Variants in ABCC10 observed in about 807,000 individuals in gnomAD.
The protein encoded by ABCC10 is ATP-binding cassette sub-family C member 10.
Under a neutral mutation model 143.2 loss-of-function variants are expected in ABCC10, and 110 were observed. The observed-to-expected ratio is 0.77, with a 90% CI of 0.66 to 0.90. ABCC10 has a LOEUF of 0.90. Among genes scored for constraint, ABCC10 ranks in the 40% least tolerant of loss-of-function variants. The probability of loss-of-function intolerance (pLI) is 0.00; values close to 1 mark genes in which losing one functional copy is unlikely to be tolerated. For missense variants in ABCC10, 1,700 were observed against 1,900.5 expected (o/e 0.89, Z 1.96); for synonymous variants, 805 against 846.7 (o/e 0.95, Z 0.85).
chr6:43,435,081 C>T (rs983538729), intron 4 of ABCC10: 3 of 531,840 alleles, frequency 5.6e-6, no homozygotes, highest in African/African-American at 3.8e-5. Flanking sequence ...AGCTTCTATT[C>T]AGTTCCAGGC....
chr6:43,446,104 AC>A (rs1198104779), intron 15 of ABCC10, among the ~76,000 whole-genome samples, 162 bp downstream of exon 15: 1 of 151,938 alleles, frequency 6.6e-6, no homozygotes, highest in Non-Finnish European at 1.5e-5. Flanking sequence ...GGCAGAGTGG[AC>A]CCCCACTTTG....
rs142083115 is a variant in ABCC10 at position 43,432,794 on chromosome 6, C to T, written c.814C>T (p.Arg272Trp). Reference protein sequence around the residue: ...VFQAHWQEGARLWRALYGAFG... With the variant: ...VFQAHWQEGAWLWRALYGAFG... ...CCAGGCACACTGGCAGGAGGGGGCACGGCTGTGGAGGGCCTTGTATGGGGC... is the reference window on the plus strand; with the variant it reads ...CCAGGCACACTGGCAGGAGGGGGCATGGCTGTGGAGGGCCTTGTATGGGGC... Residue 272 changes from arginine to tryptophan, a missense_variant, in exon 3 of 22, where the codon CGG becomes TGG. Transcript: ENST00000372530. The T allele has an allele frequency of 1.0e-4, 164 of 1,614,166 alleles. 2 individuals are homozygous for T. The East Asian group carries it at 2.8e-3, about 28-fold the overall frequency.
chr6:43,435,663 T>A, intron 4 of ABCC10, 88 bp from the exon 5 acceptor site: 1 of 1,461,650 alleles, frequency 6.8e-7, no homozygotes, highest in Non-Finnish European at 9.2e-7. Flanking sequence ...GCCCAGTTCT[T>A]CCCTCCGTAG....
At chr6:43,442,400 G>A (rs1346194467) in intron 9 of ABCC10, among the ~76,000 whole-genome samples, 4 of 152,068 alleles carry the variant, frequency 2.6e-5, no homozygotes, top group East Asian at 3.9e-4. Flanking sequence ...AAACCCCATC[G>A]CTACTGAAAA....
chr6:43,433,052 G>C lies in ABCC10; in HGVS notation c.1072G>C (p.Ala358Pro), dbSNP rs563579420. Residue 358 changes from alanine to proline, a missense_variant, in exon 3 of 22, where the codon GCT (alanine) becomes CCT (proline). Physicochemically the swap from Ala to Pro is conservative, Grantham distance 27 (BLOSUM62 -1). Transcript: ENST00000372530. ...VYKVTLQARG[A>P]VLNILYCKAL... ...TAAGGTAACACTTCAGGCACGGGGG[G>C]CTGTGCTGAACATCCTGTACTGCAA... is the stretch of plus-strand genomic sequence containing the variant. 1.2e-6 allele frequency: 2 copies of C among 1,614,158 alleles called. No homozygotes were observed. The highest frequency in any genetic ancestry group is 8.5e-7 in the Non-Finnish European group (1 of 1,180,032).
intron 2 of ABCC10, among the ~76,000 whole-genome samples, chr6:43,428,852 G>A (rs987562457): frequency 4.6e-5 from 7 of 151,424 alleles, no homozygotes; most frequent in Non-Finnish European, 1.0e-4. Context: ...TTTCTCATTA[G>A]ACTGAGTTCC....
rs747994509 is a variant in ABCC10 at position 43,447,758 on chromosome 6, G to A, written c.3780G>A (p.Pro1260=). 1.6e-5 allele frequency: 26 copies of A among 1,613,668 alleles called. No homozygotes were observed. The highest frequency in any genetic ancestry group is 6.7e-5 in the Admixed American group (4 of 60,012). ...TGTTGGCGTACCGGCCAGGGCTGCC[G>A]AATGCCCTGGATGGAGTGACCTTCT... The part of the protein sequence containing the change: ...DVVLAYRPGL[P]NALDGVTFCV... The change falls in exon 18 of 22, where the codon CCG becomes CCA. Residue 1260 remains proline, a synonymous_variant. Coordinates refer to ENST00000372530, the MANE Select transcript of ABCC10 (RefSeq NM_001198934.2).
At chr6:43,435,050 C>T (rs1454747403) in intron 4 of ABCC10, 1 of 587,370 alleles carries the variant, frequency 1.7e-6, no homozygotes, top group African/African-American at 1.9e-5. Flanking sequence ...CCTTTCTTTC[C>T]TCTCCTCTAC....
rs1305350478 is a variant in ABCC10 at position 43,427,802 on chromosome 6, G to C, written c.-12+45G>C. 9 of 731,716 alleles carry C rather than the reference G, an allele frequency of 1.2e-5. No individual in the cohort carries two copies. The East Asian group carries it at 1.9e-4, about 15-fold the overall frequency. 45.3% of individuals were successfully genotyped at this position (731,716 alleles called of 1,614,324 possible). A position where few individuals can be genotyped will look rare whatever the true frequency, so the allele number is the denominator to read the frequency against. The stretch of plus-strand genomic sequence containing the variant: ...AAATCCACTGGGGAAACCTCCTCCC[G>C]TTTTTACCCTTGGTACCGCGAGAAT... On this transcript the variant is annotated intron_variant, in intron 1 of 21. Transcript: ENST00000372530.
At chr6:43,430,755 CTT>C (rs1395355776) in intron 2 of ABCC10, 6 of 148,372 alleles carry the variant, frequency 4.0e-5, no homozygotes, top group Admixed American at 4.0e-4. Flanking sequence ...CAGAGTCTCT[CTT>C]TGTCACCCAG....
chr6:43,441,116 A>C (rs1782407090), intron 8 of ABCC10, among the ~76,000 whole-genome samples: 1 of 150,880 alleles, frequency 6.6e-6, no homozygotes, highest in African/African-American at 2.4e-5. Flanking sequence ...CACACAAAAA[A>C]GTAAAAACCT....
At position 43,433,229 on chromosome 6, in the gene ABCC10, C is replaced by G. The variant is rs766535956; in HGVS notation, c.1249C>G (p.Gln417Glu). Residue 417 changes from glutamine (Q) to glutamate (E), a missense_variant, in exon 3 of 22, where the codon CAG becomes GAG. By Grantham distance (29) the Gln-to-Glu change is conservative. Coordinates refer to ENST00000372530, the MANE Select transcript of ABCC10 (RefSeq NM_001198934.2). ...QLAITLYLLY[Q>E]QVGVAFVGGL... ...GGCCATCACCCTCTACCTGCTGTAC[C>G]AGCAGGTAGGCGTGGCCTTCGTGGG... The G allele has an allele frequency of 6.2e-7, 1 of 1,614,172 alleles. No individual in the cohort carries two copies. Among genetic ancestry groups the G allele is most frequent in the Non-Finnish European group, 8.5e-7 (1 of 1,180,000 alleles).
At chr6:43,438,329 G>C (rs1031888964) in intron 7 of ABCC10, 26 of 1,409,714 alleles carry the variant, frequency 1.8e-5, no homozygotes, top group Non-Finnish European at 2.4e-5. Flanking sequence ...GGAGGACCTT[G>C]TTTTCAGATG....
At position 43,444,238 on chromosome 6, in the gene ABCC10, G is replaced by T; in HGVS notation, c.2574G>T (p.Leu858=). 1.2e-6 allele frequency: 2 copies of T among 1,614,164 alleles called. No individual in the cohort carries two copies. Among genetic ancestry groups the T allele is most frequent in the Non-Finnish European group, 8.5e-7 (1 of 1,180,026 alleles). Reference sequence around the variant, plus strand: ...AGCAGAGCACATCTGGTCGCCTGCTGCAGGAAGAAAGCAAGAAGGAGGGCG... The same window carrying T: ...AGCAGAGCACATCTGGTCGCCTGCTTCAGGAAGAAAGCAAGAAGGAGGGCG... ...EEEQSTSGRL[L]QEESKKEGAV... The change falls in exon 12 of 22, where the codon CTG becomes CTT. Residue 858 remains leucine (L), a synonymous_variant. Transcript: ENST00000372530.
At chr6:43,427,947 C>A in intron 1 of ABCC10, 21 bp from the exon 2 acceptor site, 1 of 1,611,548 alleles carries the variant, frequency 6.2e-7, no homozygotes, top group Non-Finnish European at 8.5e-7. Context: ...GCACAGCCGT[C>A]ACCCTCAACT....
chr6:43,432,957 A>G lies in ABCC10; in HGVS notation c.977A>G (p.Tyr326Cys), dbSNP rs751830941. The G allele has an allele frequency of 3.7e-6, 6 of 1,614,152 alleles. No homozygotes were observed. Among genetic ancestry groups the G allele is most frequent in the South Asian group, 1.1e-5 (1 of 91,086 alleles). ...GQEPLSHGLLYALGLAGGAVL... is the reference protein window; with the variant it reads ...GQEPLSHGLLCALGLAGGAVL... ...GAGCCACTAAGCCACGGCCTGCTCT[A>G]TGCTCTGGGGCTAGCCGGTGGGGCT... Residue 326 changes from tyrosine to cysteine, a missense_variant, in exon 3 of 22, where the codon TAT becomes TGT. Coordinates refer to ENST00000372530, the MANE Select transcript of ABCC10 (RefSeq NM_001198934.2).
chr6:43,433,481 G>A, intron 3 of ABCC10, 121 bp downstream of exon 3: 3 of 1,424,886 alleles, frequency 2.1e-6, no homozygotes, highest in Non-Finnish European at 2.8e-6. Flanking sequence ...AGCTGAGACT[G>A]GAGAAAGGTA....
rs1781290724 is a variant in ABCC10, at chr6:43,432,904, A to G, written c.924A>G (p.Leu308=). 1 of 1,613,946 alleles carries G rather than the reference A, an allele frequency of 6.2e-7. No homozygotes were observed. The highest frequency in any genetic ancestry group is 1.3e-5 in the African/African-American group (1 of 74,880). The stretch of plus-strand genomic sequence containing the variant: ...TCTCAGGGCCCCTGTTGCTCTCCCT[A>G]CTGGTGGGCTTCCTGGAAGAGGGGC... The part of the protein sequence containing the change: ...LGFSGPLLLS[L]LVGFLEEGQE... Residue 308 remains leucine (L), a synonymous_variant, in exon 3 of 22, where the codon CTA becomes CTG. Transcript: ENST00000372530.
intron 5 of ABCC10, 90 bp from the exon 6 acceptor site, chr6:43,436,048 T>C (rs2127389999): frequency 6.2e-7 from 1 of 1,605,886 alleles, no homozygotes; most frequent in East Asian, 2.2e-5. Context: ...GGCAGGTAGA[T>C]ATGGGGCTGG....
Sources: gnomAD v4.1 joint callset for allele counts (sites outside exome capture counted in the v4.1 genomes callset) on GRCh38, gnomAD v4.1.1 for gene constraint, MANE v1.5 for transcripts, NCBI Gene and HGNC (gene_info 2026-07-23, HGNC 2026-07-21) for gene names.